Variants in NFASC observed in about 807,000 individuals in gnomAD.
NFASC encodes neurofascin.
In NFASC, 43 loss-of-function variants were observed where a neutral mutation model predicts 147.5. That is an observed-to-expected ratio of 0.29 (90% confidence interval 0.23 to 0.38). NFASC has a LOEUF of 0.38. NFASC is among the 10% of genes least tolerant of loss of function. The pLI is 1.00. For missense variants in NFASC, 1,320 were observed against 1,689.0 expected (o/e 0.78, Z 3.83); for synonymous variants, 622 against 665.5 (o/e 0.93, Z 1.01).
At chr1:204,860,174 CA>C (rs1383003603) in intron 1 of NFASC, among the ~76,000 whole-genome samples, 3 of 152,174 alleles carry the variant, frequency 2.0e-5, no homozygotes, top group African/African-American at 7.2e-5. Flanking sequence ...ATGTTGTAAT[CA>C]AATGGCCATG....
At chr1:204,853,458 C>T (rs1320884057) in intron 1 of NFASC, among the ~76,000 whole-genome samples, 2 of 152,220 alleles carry the variant, frequency 1.3e-5, no homozygotes, top group African/African-American at 4.8e-5. Flanking sequence ...AGCCTAGAGC[C>T]TTCTTTCTGC....
chr1:204,920,247 A>G (rs2090162871), intron 1 of NFASC, among the ~76,000 whole-genome samples: 1 of 152,190 alleles, frequency 6.6e-6, no homozygotes, highest in African/African-American at 2.4e-5. Flanking sequence ...TAGTTCTCCT[A>G]GGAAGCTAAA....
intron 1 of NFASC, among the ~76,000 whole-genome samples, chr1:204,875,606 A>G (rs2078622670): frequency 6.6e-6 from 1 of 152,178 alleles, no homozygotes; most frequent in African/African-American, 2.4e-5. Flanking sequence ...GGAGAGGTGC[A>G]GTCCAATGAG....
intron 10 of NFASC, 130 bp downstream of exon 10, chr1:204,969,112 C>T (rs950417495): frequency 2.6e-5 from 20 of 782,262 alleles, no homozygotes; most frequent in South Asian, 5.3e-5. Flanking sequence ...GTGGCAATGG[C>T]GATCTGCCAT....
chr1:204,982,711 G>A (rs2095533409), intron 21 of NFASC, among the ~76,000 whole-genome samples: 1 of 152,244 alleles, frequency 6.6e-6, no homozygotes, highest in Non-Finnish European at 1.5e-5. Context: ...CATCAATCCT[G>A]TAGGCTGCTA....
intron 12 of NFASC, 63 bp from the exon 13 acceptor site, chr1:204,974,116 C>T (rs796715255): frequency 2.5e-5 from 34 of 1,357,952 alleles, no homozygotes; most frequent in African/African-American, 2.0e-4. Flanking sequence ...GAGGTGAGAC[C>T]GAGGGGGAAG....
chr1:204,983,850 T>C (rs2095555070), intron 21 of NFASC, among the ~76,000 whole-genome samples: 1 of 152,188 alleles, frequency 6.6e-6, no homozygotes, highest in Non-Finnish European at 1.5e-5. Context: ...GCCACCCTTT[T>C]GTCCTGAGCC....
intron 10 of NFASC, 141 bp downstream of exon 10, chr1:204,969,123 G>A: frequency 1.3e-6 from 1 of 743,072 alleles, no homozygotes; most frequent in Non-Finnish European, 2.2e-6. Flanking sequence ...GATCTGCCAT[G>A]GATGGTGTCA....
intron 2 of NFASC, among the ~76,000 whole-genome samples, chr1:204,934,732 A>G (rs528788135): frequency 1.3e-5 from 2 of 152,240 alleles, no homozygotes; most frequent in Non-Finnish European, 2.9e-5. Flanking sequence ...GCCTGCTGGA[A>G]TAGATGCCCA....
chr1:204,944,431 C>CT (rs758124063), intron 3 of NFASC, 25 bp downstream of exon 3: 128 of 825,692 alleles, frequency 1.6e-4, no homozygotes, highest in Non-Finnish European at 1.8e-4. Flanking sequence ...ATTCTCTTCT[C>CT]TTTTTTTTCC....
intron 1 of NFASC, among the ~76,000 whole-genome samples, chr1:204,836,358 T>C (rs1170048358): frequency 6.6e-6 from 1 of 152,224 alleles, no homozygotes; most frequent in African/African-American, 2.4e-5. Context: ...TAACAGGATG[T>C]TAATTATGAG....
intron 2 of NFASC, among the ~76,000 whole-genome samples, chr1:204,920,999 G>A (rs1311741091): frequency 6.6e-6 from 1 of 152,166 alleles, no homozygotes; most frequent in Admixed American, 6.5e-5. Context: ...GCCAACATTA[G>A]CGCTGGCATT....
intron 25 of NFASC, chr1:204,997,609 C>G (rs1357144060): frequency 4.6e-6 from 3 of 656,004 alleles, no homozygotes; most frequent in East Asian, 2.7e-5. Flanking sequence ...CCAGCCTGGC[C>G]CTGACACACA....
intron 3 of NFASC, among the ~76,000 whole-genome samples, chr1:204,945,376 G>A (rs1211524509): frequency 6.6e-6 from 1 of 152,268 alleles, no homozygotes; most frequent in Non-Finnish European, 1.5e-5. Context: ...TCTGGGGAGG[G>A]GGGCAGGAGA....
chr1:204,971,613 G>C (rs1447239727), intron 11 of NFASC, among the ~76,000 whole-genome samples: 1 of 152,186 alleles, frequency 6.6e-6, no homozygotes, highest in Non-Finnish European at 1.5e-5. Flanking sequence ...TGTGCTAGAT[G>C]CTGCACTCCA....
intron 5 of NFASC, among the ~76,000 whole-genome samples, chr1:204,953,583 A>G (rs552317064): frequency 9.8e-5 from 15 of 152,316 alleles, no homozygotes; most frequent in Non-Finnish European, 2.1e-4. Flanking sequence ...GGCGTGAGCC[A>G]CCGCGCCCGG....
intron 24 of NFASC, among the ~76,000 whole-genome samples, chr1:204,994,410 C>A (rs1018289827): frequency 6.6e-6 from 1 of 152,190 alleles, no homozygotes; most frequent in African/African-American, 2.4e-5. Context: ...ACACCTCTGT[C>A]CCCCAGCTAC....
Position 204,987,568 on chromosome 1 carries a change from G to A in NFASC, c.2593+28G>A, listed in dbSNP as rs2095641748. On this transcript the variant is annotated intron_variant, in intron 22 of 29. Transcript: ENST00000339876. The surrounding 1 kb of genome is among the most constrained non-coding windows in gnomAD (Gnocchi z 4.4). ...ACGTTCTGCCCTTCCCTTTCTCTTA[G>A]ATAATCTGGGAACCAGAAACCCCAT... 6 of 1,612,854 alleles carry A rather than the reference G, an allele frequency of 3.7e-6. No homozygotes were observed. In the East Asian group the frequency reaches 1.3e-4, roughly 36 times the overall value.
At position 204,973,296 on chromosome 1, in the gene NFASC, C is replaced by T. The variant is rs759784560; in HGVS notation, c.1156C>T (p.Arg386Cys). 14 of 1,614,078 alleles carry T rather than the reference C, an allele frequency of 8.7e-6. No homozygotes were observed. The highest frequency in any genetic ancestry group is 5.3e-5 in the African/African-American group (4 of 74,962). ...TGTAGCGGCACCACCTAACCCAAACCGTGAGGTGGCCGGAGACACCATCAT... is the reference window on the plus strand; with the variant it reads ...TGTAGCGGCACCACCTAACCCAAACTGTGAGGTGGCCGGAGACACCATCAT... ...PLQSAPPNPN[R>C]EVAGDTIIFR... Residue 386 changes from arginine to cysteine, a missense_variant, in exon 12 of 30, where the codon CGT becomes TGT. By Grantham distance (180) the Arg-to-Cys change is radical. Coordinates refer to ENST00000339876, the MANE Select transcript of NFASC (RefSeq NM_001005388.3).
Sources: gnomAD v4.1 joint callset for allele counts (sites outside exome capture counted in the v4.1 genomes callset) on GRCh38, gnomAD v4.1.1 for gene constraint, Gnocchi (gnomAD v3.1) non-coding constraint, MANE v1.5 for transcripts, NCBI Gene and HGNC (gene_info 2026-07-23, HGNC 2026-07-21) for gene names.